Variants in THSD7B observed in about 807,000 individuals in gnomAD.
THSD7B encodes the protein thrombospondin type-1 domain-containing protein 7B.
A neutral mutation model predicts 213.6 loss-of-function variants in THSD7B; 138 were observed. The ratio of observed to expected loss-of-function variants is 0.65; its 90% CI spans 0.56 to 0.74. The LOEUF (loss-of-function observed/expected upper bound fraction) is 0.74. THSD7B is among the 30% of genes least tolerant of loss of function. THSD7B has a pLI of 0.00. For missense variants in THSD7B, 1,931 were observed against 1,991.5 expected (o/e 0.97, Z 0.58); for synonymous variants, 742 against 687.0 (o/e 1.08, Z -1.25).
At chr2:137,122,022 G>A (rs1453785214) in intron 5 of THSD7B, among the ~76,000 whole-genome samples, 2 of 152,098 alleles carry the variant, frequency 1.3e-5, no homozygotes, top group African/African-American at 2.4e-5. Flanking sequence ...GGGAAAGATT[G>A]GGAAGGAAAA....
chr2:137,220,709 T>C (rs1681348255), intron 7 of THSD7B, among the ~76,000 whole-genome samples: 1 of 152,122 alleles, frequency 6.6e-6, no homozygotes, highest in South Asian at 2.1e-4. Flanking sequence ...CCAAGAGAAA[T>C]GAAAACTTGT....
chr2:137,512,961 T>C (rs960894841), intron 15 of THSD7B, among the ~76,000 whole-genome samples: 1 of 152,098 alleles, frequency 6.6e-6, no homozygotes, highest in African/African-American at 2.4e-5. Context: ...CTTTGTATCA[T>C]TAGAGAGGCA....
At chr2:137,164,280 A>G (rs999688137) in intron 6 of THSD7B, among the ~76,000 whole-genome samples, 3 of 152,186 alleles carry the variant, frequency 2.0e-5, no homozygotes, top group Non-Finnish European at 4.4e-5. Flanking sequence ...AAAAGGGCTT[A>G]AGGCATCATC....
At chr2:136,983,332 A>AACACACACACACACAGACACACAGACAC (rs1685614895) in intron 2 of THSD7B, among the ~76,000 whole-genome samples, 2 of 27,556 alleles carry the variant, frequency 7.3e-5, no homozygotes, top group Non-Finnish European at 1.3e-4. Context: ...TTGTTGCTTC[A>AACACACACACACACAGACACACAGACAC]ACACACACAC....
At chr2:137,347,030 C>G (rs1216611845) in intron 12 of THSD7B, among the ~76,000 whole-genome samples, 1 of 151,682 alleles carries the variant, frequency 6.6e-6, no homozygotes, top group African/African-American at 2.4e-5. Context: ...TGCACCATTG[C>G]AACCCCACCA....
At position 137,294,783 on chromosome 2, in the gene THSD7B, A is replaced by C. The variant is rs139548854; in HGVS notation, c.2500+18757A>C. ...AGGAGTGGGTACTTTCCACAATTTCAGGCATTCACTAGAGGTCTTGGAACG... is the reference window on the plus strand; with the variant it reads ...AGGAGTGGGTACTTTCCACAATTTCCGGCATTCACTAGAGGTCTTGGAACG... On this transcript the variant is annotated intron_variant, in intron 12 of 27. Coordinates refer to ENST00000409968, the MANE Select transcript of THSD7B (RefSeq NM_001316349.2). Among the ~76,000 whole-genome samples, 182 of 152,164 alleles carry C rather than the reference A, an allele frequency of 1.2e-3. 1 individual carries two copies. The highest frequency in any genetic ancestry group is 4.2e-3 in the African/African-American group (174 of 41,550).
Position 137,215,410 on chromosome 2 carries a change from G to T in THSD7B, c.1724-15634G>T, listed in dbSNP as rs555270040. Among the ~76,000 whole-genome samples the T allele has an allele frequency of 3.9e-5, 6 of 152,212 alleles. No homozygotes were observed. The East Asian group carries it at 9.7e-4, about 25-fold the overall frequency. ...ACAAAAGCTGCAGATTCCCAAACAG[G>T]TTATATGAGTTCTAAAACTGTGATA... is the stretch of plus-strand genomic sequence containing the variant. On this transcript the variant is annotated intron_variant, in intron 7 of 27. Transcript: ENST00000409968.
chr2:137,440,696 T>C (rs993320352), intron 14 of THSD7B, among the ~76,000 whole-genome samples: 31 of 152,168 alleles, frequency 2.0e-4, no homozygotes, highest in African/African-American at 6.5e-4. Flanking sequence ...CTCCCAATTT[T>C]GCACTCCTGT....
chr2:136,846,844 C>T (rs193105469), intron 1 of THSD7B, among the ~76,000 whole-genome samples: 3 of 151,980 alleles, frequency 2.0e-5, no homozygotes, highest in African/African-American at 4.8e-5. Context: ...TTTCCTAGGA[C>T]TCTATTGATA....
intron 6 of THSD7B, among the ~76,000 whole-genome samples, chr2:137,162,160 G>T (rs1680031624): frequency 6.6e-6 from 1 of 152,178 alleles, no homozygotes; most frequent in Admixed American, 6.5e-5. Flanking sequence ...AGAGGATAGG[G>T]CTGCATCCAA....
At chr2:136,832,171 C>T (rs1261838103) in intron 1 of THSD7B, among the ~76,000 whole-genome samples, 1 of 100,032 alleles carries the variant, frequency 1.0e-5, no homozygotes, top group Admixed American at 1.2e-4. Flanking sequence ...GGATATACAT[C>T]CTATTGTGTG....
chr2:136,829,572 A>G (rs757341664), intron 1 of THSD7B, among the ~76,000 whole-genome samples: 1 of 152,218 alleles, frequency 6.6e-6, no homozygotes, highest in Non-Finnish European at 1.5e-5. Context: ...ATCTGTGGTC[A>G]TAACTTGGGT....
chr2:137,096,331 G>T lies in THSD7B; in HGVS notation c.1199+1210G>T, dbSNP rs144655731. Among the ~76,000 whole-genome samples the T allele has an allele frequency of 3.3e-5, 5 of 152,262 alleles. No individual in the cohort carries two copies. The East Asian group carries it at 9.6e-4, about 29-fold the overall frequency. ...ATTTGGTGATGTGTGAAGGGTATGG[G>T]TTACTGACCCAACAGGTTCTGGTGG... On this transcript the variant is annotated intron_variant, in intron 4 of 27. Coordinates refer to ENST00000409968, the MANE Select transcript of THSD7B (RefSeq NM_001316349.2).
intron 2 of THSD7B, among the ~76,000 whole-genome samples, chr2:136,922,580 T>A: frequency 6.6e-6 from 1 of 152,216 alleles, no homozygotes; most frequent in East Asian, 1.9e-4. Flanking sequence ...TTTCAGCTTC[T>A]CCAAGGAGCT....
chr2:137,330,774 T>C (rs1241622197), intron 12 of THSD7B, among the ~76,000 whole-genome samples: 1 of 151,996 alleles, frequency 6.6e-6, no homozygotes, highest in Non-Finnish European at 1.5e-5. Flanking sequence ...AGAACAAAGC[T>C]TCCACAGTGT....
chr2:137,292,379 A>C (rs1435314419), intron 12 of THSD7B, among the ~76,000 whole-genome samples: 1 of 152,172 alleles, frequency 6.6e-6, no homozygotes, highest in African/African-American at 2.4e-5. Context: ...GTGATATGAC[A>C]GTTGCAAAAC....
At chr2:136,777,517 G>T (rs1316536912) in intron 1 of THSD7B, among the ~76,000 whole-genome samples, 1 of 152,032 alleles carries the variant, frequency 6.6e-6, no homozygotes, top group African/African-American at 2.4e-5. Flanking sequence ...AAATCCAAAA[G>T]ACATTTTCCA....
chr2:136,947,516 A>C (rs1684964250), intron 2 of THSD7B, among the ~76,000 whole-genome samples: 1 of 152,184 alleles, frequency 6.6e-6, no homozygotes, highest in Non-Finnish European at 1.5e-5. Flanking sequence ...CCCTGGAGGA[A>C]AGAGAGCTTA....
At chr2:137,333,209 A>G (rs1402619199) in intron 12 of THSD7B, among the ~76,000 whole-genome samples, 1 of 152,158 alleles carries the variant, frequency 6.6e-6, no homozygotes, top group Non-Finnish European at 1.5e-5. Flanking sequence ...GCCCAGCAGC[A>G]GGTTCCGATA....
Sources: allele counts gnomAD v4.1 joint callset (sites outside exome capture counted in the v4.1 genomes callset), GRCh38; gene constraint gnomAD v4.1.1; transcripts MANE v1.5; gene names NCBI Gene and HGNC (gene_info 2026-07-23, HGNC 2026-07-21).